Variants in REV3L observed in about 807,000 individuals in gnomAD.
REV3L encodes the protein DNA polymerase zeta catalytic subunit.
In REV3L, 69 loss-of-function variants were observed where a neutral mutation model predicts 299.4. The observed-to-expected ratio is 0.23, with a 90% confidence interval of 0.19 to 0.28. REV3L has a LOEUF of 0.28. Among genes scored for constraint, REV3L ranks in the 10% least tolerant of loss-of-function variants. The pLI is 1.00. For synonymous variants in REV3L, 1,238 were observed against 1,271.4 expected (o/e 0.97, Z 0.56); for missense variants, 3,128 against 3,693.8 (o/e 0.85, Z 3.97).
chr6:111,307,548 G>A lies in REV3L; in HGVS notation c.9065C>T (p.Ser3022Leu), dbSNP rs763030770. The A allele has an allele frequency of 6.3e-5, 102 of 1,614,074 alleles. No individual in the cohort carries two copies. The highest frequency in any genetic ancestry group is 8.8e-5 in the South Asian group (8 of 91,080). ...LPRIHKATSS[S>L]RSEPEGRKGT... ...TTTCCGCCCTTCAGGTTCACTTCGC[G>A]AGGAGCTGGTAGCTTTATGGATCTA... Residue 3022 changes from serine (S) to leucine (L), a missense_variant, in exon 31 of 32, where the codon TCG becomes TTG. Physicochemically the swap from Ser to Leu is moderately radical, Grantham distance 145 (BLOSUM62 -2). Coordinates refer to ENST00000368802, the MANE Select transcript of REV3L (RefSeq NM_001372078.1).
At chr6:111,379,663 A>G (rs1780635202) in intron 11 of REV3L, among the ~76,000 whole-genome samples, 1 of 152,226 alleles carries the variant, frequency 6.6e-6, no homozygotes. Context: ...CAACTATCAC[A>G]GGGCATTCTT....
chr6:111,454,262 A>C (rs1168909399), intron 1 of REV3L, among the ~76,000 whole-genome samples: 1 of 152,128 alleles, frequency 6.6e-6, no homozygotes, highest in Non-Finnish European at 1.5e-5. Context: ...ACACTTAAAA[A>C]AATCAAGTAC....
chr6:111,380,254 GTTTTC>G (rs778018442), intron 10 of REV3L, 35 bp from the exon 11 acceptor site: 1 of 1,435,284 alleles, frequency 7.0e-7, no homozygotes, highest in Non-Finnish European at 9.7e-7. Flanking sequence ...CAACAAATAA[GTTTTC>G]TTTTTTTTTT....
At position 111,328,351 on chromosome 6, in the gene REV3L, C is replaced by T; in HGVS notation, c.8241+1181G>A. ...AACTCTTGGGCTCAAGCAATCCTCCCACCTCAGCCTCCTGAGTTGGGATCA... is the reference window on the plus strand; with the variant it reads ...AACTCTTGGGCTCAAGCAATCCTCCTACCTCAGCCTCCTGAGTTGGGATCA... On this transcript the variant is annotated intron_variant, in intron 25 of 31. Transcript: ENST00000368802. Among the ~76,000 whole-genome samples the T allele has an allele frequency of 1.3e-5, 2 of 152,178 alleles. 1 individual carries two copies. Among genetic ancestry groups the T allele is most frequent in the East Asian group, 3.9e-4 (2 of 5,188 alleles).
At chr6:111,412,162 C>A (rs1784316067) in intron 2 of REV3L, 1 of 985,264 alleles carries the variant, frequency 1.0e-6, no homozygotes, top group Non-Finnish European at 1.2e-6. Flanking sequence ...ATGAATAAAC[C>A]TGTAACACAC....
intron 1 of REV3L, chr6:111,431,145 C>T (rs1244596222): frequency 1.0e-5 from 16 of 1,525,502 alleles, no homozygotes; most frequent in Middle Eastern, 2.3e-4. Context: ...ATCTTCCAAG[C>T]GATCTCAGCA....
chr6:111,327,985 A>G (rs1775015423), intron 25 of REV3L, among the ~76,000 whole-genome samples: 1 of 152,198 alleles, frequency 6.6e-6, no homozygotes, highest in South Asian at 2.1e-4. Flanking sequence ...ATGATATACC[A>G]CAATGTTCTC....
intron 1 of REV3L, among the ~76,000 whole-genome samples, chr6:111,448,416 G>A (rs1246105126): frequency 6.6e-6 from 1 of 151,382 alleles, no homozygotes; most frequent in Admixed American, 6.6e-5. Flanking sequence ...TTGGCTCACT[G>A]CAACCTCTGC....
intron 1 of REV3L, among the ~76,000 whole-genome samples, chr6:111,443,055 A>T (rs74584217): frequency 0.036 from 5,478 of 152,204 alleles, 325 homozygotes; most frequent in African/African-American, 0.12. Context: ...CCTATCTTAA[A>T]GTCCTTTTAT....
intron 5 of REV3L, 65 bp from the exon 6 acceptor site, chr6:111,390,245 A>C: frequency 1.0e-6 from 1 of 982,078 alleles, no homozygotes; most frequent in Non-Finnish European, 1.6e-6. Flanking sequence ...CATTTTTCTT[A>C]CTTATACAAT....
At chr6:111,479,885 C>T (rs1490251872) in intron 1 of REV3L, among the ~76,000 whole-genome samples, 1 of 152,210 alleles carries the variant, frequency 6.6e-6, no homozygotes, top group African/African-American at 2.4e-5. Context: ...AAACCCAAAA[C>T]ACTTTATTTC....
At chr6:111,476,239 T>C (rs780116180) in intron 1 of REV3L, among the ~76,000 whole-genome samples, 4 of 152,188 alleles carry the variant, frequency 2.6e-5, no homozygotes, top group Non-Finnish European at 4.4e-5. Context: ...CACTGCAGCC[T>C]TCACCTCCTG....
At chr6:111,482,426 G>C (rs1460794604) in intron 1 of REV3L, among the ~76,000 whole-genome samples, 1 of 152,128 alleles carries the variant, frequency 6.6e-6, no homozygotes, top group Non-Finnish European at 1.5e-5. Context: ...CCCGCCGTCC[G>C]GGGCGCCCGC....
At chr6:111,456,746 T>G (rs1790207062) in intron 1 of REV3L, among the ~76,000 whole-genome samples, 1 of 152,186 alleles carries the variant, frequency 6.6e-6, no homozygotes, top group Non-Finnish European at 1.5e-5. Context: ...TTTTAGACAC[T>G]GGAATCAGAC....
At chr6:111,329,292 CT>C (rs1215048068) in intron 25 of REV3L, among the ~76,000 whole-genome samples, 1 of 151,716 alleles carries the variant, frequency 6.6e-6, no homozygotes, top group African/African-American at 2.4e-5. Context: ...ATCCGCCTGC[CT>C]TGGCCTCCCA....
In REV3L at chr6:111,373,273, A is replaced by G; in HGVS notation, c.5082T>C (p.Asn1694=). The part of the protein sequence containing the change: ...DLFPGQAIEK[N]EFLSHDNQKC... The stretch of plus-strand genomic sequence containing the variant: ...TCTGGTTGTCATGACTTAAAAACTC[A>G]TTTTTTTCTATAGCTTGTCCTGGAA... Residue 1694 remains asparagine (N), a synonymous_variant, in exon 13 of 32, where the codon AAT becomes AAC. Coordinates refer to ENST00000368802, the MANE Select transcript of REV3L (RefSeq NM_001372078.1). 3 of 1,613,890 alleles carry G rather than the reference A, an allele frequency of 1.9e-6. No individual in the cohort carries two copies. The highest frequency in any genetic ancestry group is 1.1e-5 in the South Asian group (1 of 91,064).
At chr6:111,407,014 G>A (rs991585562) in intron 3 of REV3L, among the ~76,000 whole-genome samples, 1 of 152,090 alleles carries the variant, frequency 6.6e-6, no homozygotes, top group Non-Finnish European at 1.5e-5. Flanking sequence ...GAGCTCTGAG[G>A]TGGGAGGACC....
At chr6:111,437,855 T>TAA (rs1787764278) in intron 1 of REV3L, among the ~76,000 whole-genome samples, 1 of 152,020 alleles carries the variant, frequency 6.6e-6, no homozygotes, top group Non-Finnish European at 1.5e-5. Context: ...TCAATAAACT[T>TAA]ACATAATTTT....
intron 26 of REV3L, among the ~76,000 whole-genome samples, chr6:111,320,408 A>G (rs190534731): frequency 7.9e-4 from 120 of 152,326 alleles, no homozygotes; most frequent in African/African-American, 2.8e-3. Flanking sequence ...TATTATCCCA[A>G]GAGCAGTGTT....
Sources: allele counts gnomAD v4.1 joint callset (sites outside exome capture counted in the v4.1 genomes callset), GRCh38; gene constraint gnomAD v4.1.1; transcripts MANE v1.5; gene names NCBI Gene and HGNC (gene_info 2026-07-23, HGNC 2026-07-21).